Variants in UNC5D observed in about 807,000 individuals in gnomAD.
UNC5D encodes the protein unc-5 netrin receptor D.
A neutral mutation model predicts 105.4 loss-of-function variants in UNC5D; 39 were observed. The ratio of observed to expected loss-of-function variants is 0.37; its 90% confidence interval spans 0.29 to 0.48. The LOEUF is 0.48. UNC5D is among the 20% of genes least tolerant of loss of function. UNC5D has a pLI of 0.98. For missense variants in UNC5D, 991 were observed against 1,202.4 expected (o/e 0.82, Z 2.60); for synonymous variants, 452 against 450.4 (o/e 1.00, Z -0.04).
intron 4 of UNC5D, among the ~76,000 whole-genome samples, chr8:35,629,252 T>G (rs572774421): frequency 6.6e-6 from 1 of 152,326 alleles, no homozygotes; most frequent in Non-Finnish European, 1.5e-5. Flanking sequence ...TGGTGTAAGA[T>G]GATATCTCAG....
At chr8:35,482,123 T>C (rs1810520679) in intron 1 of UNC5D, among the ~76,000 whole-genome samples, 1 of 152,244 alleles carries the variant, frequency 6.6e-6, no homozygotes. Context: ...GTAGCTAGAC[T>C]GAATAGCGAA....
chr8:35,699,149 T>A (rs1016534022), intron 7 of UNC5D, among the ~76,000 whole-genome samples: 1 of 152,160 alleles, frequency 6.6e-6, no homozygotes, highest in South Asian at 2.1e-4. Context: ...TAGGAATGGA[T>A]AGACATCACA....
chr8:35,268,171 A>C (rs985252970), intron 1 of UNC5D, among the ~76,000 whole-genome samples: 1 of 152,146 alleles, frequency 6.6e-6, no homozygotes, highest in African/African-American at 2.4e-5. Context: ...CAAATAACAA[A>C]ATTTTCAATG....
intron 1 of UNC5D, among the ~76,000 whole-genome samples, chr8:35,381,111 T>C (rs1050192621): frequency 3.3e-5 from 5 of 152,140 alleles, no homozygotes; most frequent in African/African-American, 1.2e-4. Flanking sequence ...GGAAGAATTA[T>C]TGATCTAGTT....
At chr8:35,725,600 G>T (rs1828816141) in intron 9 of UNC5D, among the ~76,000 whole-genome samples, 1 of 151,940 alleles carries the variant, frequency 6.6e-6, no homozygotes, top group Admixed American at 6.6e-5. Flanking sequence ...TGACCCTTTT[G>T]CTCTGAGGAC....
rs189857402 is a variant in UNC5D at position 35,440,200 on chromosome 8, G to A, written c.104-109092G>A. 2.6e-5 allele frequency among the ~76,000 whole-genome samples: 4 copies of A among 152,048 alleles called. No homozygotes were observed. The East Asian group carries it at 7.8e-4, about 30-fold the overall frequency. Reference sequence around the variant, plus strand: ...TGGAGAAATGTTTCTTCATATGTAAGAAACTAAGCATGTCCATCTGGGCTT... The same window carrying A: ...TGGAGAAATGTTTCTTCATATGTAAAAAACTAAGCATGTCCATCTGGGCTT... On this transcript the variant is annotated intron_variant, in intron 1 of 16. Transcript: ENST00000404895.
At chr8:35,475,590 G>T (rs557104848) in intron 1 of UNC5D, among the ~76,000 whole-genome samples, 2 of 152,330 alleles carry the variant, frequency 1.3e-5, no homozygotes, top group South Asian at 4.2e-4. Flanking sequence ...CTCTCAATGG[G>T]CTTGTGGGAA....
intron 4 of UNC5D, among the ~76,000 whole-genome samples, chr8:35,605,018 T>A (rs1820185293): frequency 6.6e-6 from 1 of 152,198 alleles, no homozygotes; most frequent in African/African-American, 2.4e-5. Context: ...AGTAGTTTGA[T>A]CTTCTGAGGC....
rs1808248456 is a variant in UNC5D, at chr8:35,305,242, T to G, written c.103+69355T>G. The stretch of plus-strand genomic sequence containing the variant: ...TGACAAGACAAATTTTAATTGAATA[T>G]AAATGAAGAAATAACCACGGTCAGA... On this transcript the variant is annotated intron_variant, in intron 1 of 16. Transcript: ENST00000404895. 2.6e-5 allele frequency among the ~76,000 whole-genome samples: 4 copies of G among 152,136 alleles called. No homozygotes were observed. In the South Asian group the frequency reaches 8.3e-4, roughly 31 times the overall value.
At chr8:35,790,330 G>A (rs771279544) in intron 16 of UNC5D, 29 bp from the exon 17 acceptor site, 1 of 1,604,254 alleles carries the variant, frequency 6.2e-7, no homozygotes, top group Non-Finnish European at 8.5e-7. Flanking sequence ...GTTTCGTTTT[G>A]TTCTTTGTGT....
At chr8:35,742,684 C>T (rs11993299) in intron 11 of UNC5D, among the ~76,000 whole-genome samples, 12,147 of 152,184 alleles carry the variant, frequency 0.08, 1,364 homozygotes, top group African/African-American at 0.25. Flanking sequence ...TTAAAGAAAG[C>T]GAAGTGTTAC....
At chr8:35,380,801 G>T (rs757042978) in intron 1 of UNC5D, among the ~76,000 whole-genome samples, 1 of 152,088 alleles carries the variant, frequency 6.6e-6, no homozygotes, top group Admixed American at 6.5e-5. Context: ...CACTATGTAC[G>T]CATTGGAATC....
At chr8:35,544,784 G>T (rs375897293) in intron 1 of UNC5D, among the ~76,000 whole-genome samples, 267 of 151,754 alleles carry the variant, frequency 1.8e-3, no homozygotes, top group African/African-American at 6.2e-3. Flanking sequence ...TGTATTTTTA[G>T]TAGAGACGGG....
intron 1 of UNC5D, among the ~76,000 whole-genome samples, chr8:35,439,987 T>C (rs1807289024): frequency 6.6e-6 from 1 of 152,016 alleles, no homozygotes; most frequent in Non-Finnish European, 1.5e-5. Context: ...TAGCACTATA[T>C]AGAGATGTAA....
chr8:35,428,154 A>G (rs1019566744), intron 1 of UNC5D, among the ~76,000 whole-genome samples: 5 of 151,910 alleles, frequency 3.3e-5, no homozygotes, highest in Non-Finnish European at 7.4e-5. Context: ...CTGACACCCA[A>G]GGGTATGTCA....
intron 4 of UNC5D, among the ~76,000 whole-genome samples, chr8:35,620,374 G>C (rs759824969): frequency 6.6e-6 from 1 of 152,124 alleles, no homozygotes; most frequent in African/African-American, 2.4e-5. Context: ...GTCTCCATGA[G>C]GCAGGACCAG....
chr8:35,426,191 A>G (rs181900732), intron 1 of UNC5D, among the ~76,000 whole-genome samples: 2 of 152,156 alleles, frequency 1.3e-5, no homozygotes, highest in African/African-American at 4.8e-5. Context: ...CACCATCAAA[A>G]TATTCCACTG....
chr8:35,646,169 C>A (rs1823037569), intron 4 of UNC5D, among the ~76,000 whole-genome samples: 1 of 152,066 alleles, frequency 6.6e-6, no homozygotes, highest in Non-Finnish European at 1.5e-5. Context: ...TGTCATTTTG[C>A]TAGGTTGGAG....
At chr8:35,651,998 T>C (rs549618138) in intron 4 of UNC5D, among the ~76,000 whole-genome samples, 2 of 152,250 alleles carry the variant, frequency 1.3e-5, no homozygotes, top group Admixed American at 6.5e-5. Flanking sequence ...AATGTATAGG[T>C]GATTCTCTAG....
Sources: allele counts gnomAD v4.1 joint callset (sites outside exome capture counted in the v4.1 genomes callset), GRCh38; gene constraint gnomAD v4.1.1; transcripts MANE v1.5; gene names NCBI Gene and HGNC (gene_info 2026-07-23, HGNC 2026-07-21).